HECW1: variants seen among roughly 807,000 people sequenced by gnomAD.
HECW1 encodes the protein E3 ubiquitin-protein ligase HECW1.
Under a neutral mutation model 182.3 loss-of-function variants are expected in HECW1, and 61 were observed. That is an observed-to-expected ratio of 0.33 (90% CI 0.27 to 0.41). The LOEUF is 0.41. Ranked by LOEUF, HECW1 falls within the 10% of genes least tolerant of loss-of-function variation. The probability of loss-of-function intolerance (pLI) is 1.00; values close to 1 mark genes in which losing one functional copy is unlikely to be tolerated. For synonymous variants in HECW1, 859 were observed against 832.6 expected (o/e 1.03, Z -0.55); for missense variants, 1,739 against 2,108.9 (o/e 0.82, Z 3.44).
intron 3 of HECW1, chr7:43,258,811 C>CTTG (rs1800866079): frequency 6.6e-6 from 1 of 152,142 alleles, no homozygotes; most frequent in Admixed American, 6.5e-5. Context: ...CTAACAGAGG[C>CTTG]AAATGTCTTG....
intron 4 of HECW1, among the ~76,000 whole-genome samples, chr7:43,313,133 A>C (rs1808746875): frequency 6.6e-6 from 1 of 152,204 alleles, no homozygotes; most frequent in Admixed American, 6.5e-5. Context: ...TTTTTCCATC[A>C]GCTTGGTTAG....
In HECW1 at chr7:43,445,386, C is replaced by G. The variant is rs374095777; in HGVS notation, c.2214C>G (p.Asp738Glu). Residue 738 changes from aspartate (D) to glutamate (E), a missense_variant, in exon 11 of 30, where the codon GAC becomes GAG. Physicochemically the swap from Asp to Glu is conservative, Grantham distance 45 (BLOSUM62 2). This residue lies in a region of HECW1 where 971 missense variants were observed against 1,029.1 expected (regional missense o/e 0.94). Transcript: ENST00000395891. Reference sequence around the variant, plus strand: ...GCACGGTCTTCTCCTCGCAAGACGACGAGGAGGAGGAGAACAGCGCGTTCG... The same window carrying G: ...GCACGGTCTTCTCCTCGCAAGACGAGGAGGAGGAGGAGAACAGCGCGTTCG... The part of the protein sequence containing the change: ...SESTVFSSQD[D>E]EEEENSAFES... The G allele has an allele frequency of 6.2e-7, 1 of 1,613,620 alleles. No individual in the cohort carries two copies.
chr7:43,302,656 C>G (rs1426883901), intron 3 of HECW1, among the ~76,000 whole-genome samples: 4 of 152,214 alleles, frequency 2.6e-5, no homozygotes, highest in African/African-American at 9.6e-5. Flanking sequence ...AGCTCCACCT[C>G]CCTTTCTCTC....
rs374262125 is a variant in HECW1 at position 43,204,378 on chromosome 7, C to T, written c.-31-39497C>T. On this transcript the variant is annotated intron_variant, in intron 2 of 29. Coordinates refer to ENST00000395891, the MANE Select transcript of HECW1 (RefSeq NM_015052.5). Reference sequence around the variant, plus strand: ...CCCTAAGTCATTTTCTTGGTGCATTCGTTTGTCCAGCACTGTATTTTTTGC... The same window carrying T: ...CCCTAAGTCATTTTCTTGGTGCATTTGTTTGTCCAGCACTGTATTTTTTGC... Among the ~76,000 whole-genome samples, 12 of 152,232 alleles carry T rather than the reference C, an allele frequency of 7.9e-5. No individual in the cohort carries two copies. The South Asian group carries it at 1.2e-3, about 16-fold the overall frequency.
At chr7:43,194,898 T>C (rs761673581) in intron 2 of HECW1, among the ~76,000 whole-genome samples, 1 of 152,138 alleles carries the variant, frequency 6.6e-6, no homozygotes, top group Non-Finnish European at 1.5e-5. Flanking sequence ...TTCACCACGT[T>C]GGTCAGTCTG....
intron 24 of HECW1, among the ~76,000 whole-genome samples, chr7:43,533,959 G>C (rs896139755): frequency 2.0e-5 from 3 of 152,140 alleles, no homozygotes; most frequent in African/African-American, 7.2e-5. Context: ...AGATCAAGAA[G>C]AAGAGACTAA....
intron 2 of HECW1, among the ~76,000 whole-genome samples, chr7:43,183,598 A>G (rs543367837): frequency 6.6e-6 from 1 of 152,330 alleles, no homozygotes; most frequent in Non-Finnish European, 1.5e-5. Context: ...ATAATAAAAT[A>G]TAAAATCTTC....
intron 3 of HECW1, among the ~76,000 whole-genome samples, chr7:43,259,158 G>T (rs1190495450): frequency 6.6e-6 from 1 of 152,182 alleles, no homozygotes; most frequent in Non-Finnish European, 1.5e-5. Flanking sequence ...AGGCAGAGGA[G>T]GGGGGATCAC....
intron 26 of HECW1, among the ~76,000 whole-genome samples, chr7:43,542,343 C>T (rs966714840): frequency 6.6e-6 from 1 of 152,044 alleles, no homozygotes; most frequent in African/African-American, 2.4e-5. Context: ...CCTCAAGGCT[C>T]ATCCATGTTG....
At chr7:43,503,459 T>C (rs1000096837) in intron 21 of HECW1, among the ~76,000 whole-genome samples, 1 of 152,208 alleles carries the variant, frequency 6.6e-6, no homozygotes, top group African/African-American at 2.4e-5. Flanking sequence ...GGGAGAGATA[T>C]CATATTGCAA....
chr7:43,485,982 A>G (rs935382015), intron 17 of HECW1, among the ~76,000 whole-genome samples: 3 of 152,026 alleles, frequency 2.0e-5, no homozygotes, highest in Non-Finnish European at 4.4e-5. Flanking sequence ...TACATTAGGT[A>G]TTTCTCCTAA....
chr7:43,531,619 G>A (rs533352431), intron 24 of HECW1, among the ~76,000 whole-genome samples: 1 of 152,068 alleles, frequency 6.6e-6, no homozygotes, highest in East Asian at 1.9e-4. Flanking sequence ...TTTCTCCACT[G>A]CCTCTCCTCC....
intron 4 of HECW1, among the ~76,000 whole-genome samples, chr7:43,315,603 C>T (rs771894441): frequency 2.0e-5 from 3 of 152,104 alleles, no homozygotes; most frequent in Non-Finnish European, 4.4e-5. Flanking sequence ...AAGCGATTCT[C>T]CTGATTCAGC....
At chr7:43,211,824 G>A (rs113554750) in intron 2 of HECW1, among the ~76,000 whole-genome samples, 7 of 152,242 alleles carry the variant, frequency 4.6e-5, no homozygotes, top group African/African-American at 1.7e-4. Flanking sequence ...TTTCTGCCTT[G>A]TACACCTCAG....
At position 43,336,970 on chromosome 7, in the gene HECW1, GA is replaced by G. The variant is rs201742683; in HGVS notation, c.460+16229del. On this transcript the variant is annotated intron_variant, in intron 5 of 29. Transcript: ENST00000395891. ...TTGGTGACACTTAGGTTGGTTCCAT[GA>G]CTTTGCTATTGTGAATAGTGCTGCA... is the stretch of plus-strand genomic sequence containing the variant. Among the ~76,000 whole-genome samples the G allele has an allele frequency of 5.3e-5, 8 of 152,264 alleles. No individual in the cohort carries two copies. In the East Asian group the frequency reaches 1.5e-3, roughly 29 times the overall value.
At chr7:43,344,142 T>C (rs961925600) in intron 5 of HECW1, among the ~76,000 whole-genome samples, 1 of 151,884 alleles carries the variant, frequency 6.6e-6, no homozygotes, top group African/African-American at 2.4e-5. Context: ...AAGTTCTTGG[T>C]AGATTCTGGA....
chr7:43,210,971 C>G (rs1293928439), intron 2 of HECW1, among the ~76,000 whole-genome samples: 1 of 152,172 alleles, frequency 6.6e-6, no homozygotes, highest in Non-Finnish European at 1.5e-5. Context: ...AGGAGGGGAC[C>G]CAAAGAGGGT....
At chr7:43,424,729 T>C (rs1327563036) in intron 8 of HECW1, among the ~76,000 whole-genome samples, 1 of 152,228 alleles carries the variant, frequency 6.6e-6, no homozygotes. Flanking sequence ...TGTAAATTAC[T>C]TTAAATTGCA....
At chr7:43,535,743 T>C (rs1362724982) in intron 24 of HECW1, among the ~76,000 whole-genome samples, 2 of 152,222 alleles carry the variant, frequency 1.3e-5, no homozygotes, top group African/African-American at 4.8e-5. Context: ...CATCTACGTA[T>C]GTATGCCCCT....
Sources: allele counts gnomAD v4.1 joint callset (sites outside exome capture counted in the v4.1 genomes callset), GRCh38; gene constraint gnomAD v4.1.1; regional missense constraint gnomAD v4.1.1; transcripts MANE v1.5; gene names NCBI Gene and HGNC (gene_info 2026-07-23, HGNC 2026-07-21).